The following TLK1 variants were observed in gnomAD, a reference collection of about 807,000 sequenced individuals.
TLK1 encodes tousled like kinase 1.
In TLK1, 24 loss-of-function variants were observed where a neutral mutation model predicts 105.3. The ratio of observed to expected loss-of-function variants is 0.23; its 90% confidence interval spans 0.17 to 0.32. The LOEUF is 0.32. TLK1 is among the 10% of genes least tolerant of loss of function. The probability of loss-of-function intolerance (pLI) is 1.00; values close to 1 mark genes in which losing one functional copy is unlikely to be tolerated. For missense variants in TLK1, 558 were observed against 910.5 expected (o/e 0.61, Z 4.98); for synonymous variants, 321 against 310.4 (o/e 1.03, Z -0.36).
intron 2 of TLK1, among the ~76,000 whole-genome samples, chr2:171,109,963 G>C (rs1017909109): frequency 2.0e-5 from 3 of 152,192 alleles, no homozygotes; most frequent in East Asian, 3.8e-4. Context: ...ATTAGATAAG[G>C]GTTGGGGGAA....
At chr2:171,086,289 A>G (rs1443197008) in intron 2 of TLK1, among the ~76,000 whole-genome samples, 1 of 152,242 alleles carries the variant, frequency 6.6e-6, no homozygotes, top group Non-Finnish European at 1.5e-5. Flanking sequence ...CCACTACCTG[A>G]ACCAAAAGTA....
intron 14 of TLK1, among the ~76,000 whole-genome samples, chr2:171,009,940 TA>T (rs1419876258): frequency 1.3e-5 from 2 of 152,126 alleles, no homozygotes; most frequent in Admixed American, 1.3e-4. Context: ...TTAGAGGAAC[TA>T]AAGATGAGCA....
intron 11 of TLK1, among the ~76,000 whole-genome samples, chr2:171,041,878 C>T (rs1055808254): frequency 8.6e-5 from 13 of 152,016 alleles, no homozygotes; most frequent in Non-Finnish European, 4.4e-5. Context: ...TTTCATTAAA[C>T]AATGAATCAA....
At chr2:171,120,194 A>G (rs1461310502) in intron 1 of TLK1, among the ~76,000 whole-genome samples, 1 of 147,760 alleles carries the variant, frequency 6.8e-6, no homozygotes, top group Non-Finnish European at 1.5e-5. Context: ...GGCTGCAGTG[A>G]ATCGAGGTCG....
chr2:171,147,150 C>T (rs1371494453), intron 1 of TLK1, among the ~76,000 whole-genome samples: 1 of 152,174 alleles, frequency 6.6e-6, no homozygotes, highest in Non-Finnish European at 1.5e-5. Flanking sequence ...TGTGACCAAG[C>T]TCCTAGAAAG....
At position 171,067,494 on chromosome 2, in the gene TLK1, G is replaced by A. The variant is rs114242491; in HGVS notation, c.331-6338C>T. Among the ~76,000 whole-genome samples the A allele has an allele frequency of 1.0e-2, 1,520 of 152,138 alleles. 19 individuals carry two copies. Among genetic ancestry groups the A allele is most frequent in the African/African-American group, 0.034 (1,391 of 41,502 alleles). On this transcript the variant is annotated intron_variant, in intron 3 of 20. Transcript: ENST00000431350. ...AGATTTTTAAAGATAATGCCAAATT[G>A]CACATTCAAAGCCAGTATCAATTGA... is the stretch of plus-strand genomic sequence containing the variant.
At chr2:171,169,449 A>G (rs924655826) in intron 1 of TLK1, among the ~76,000 whole-genome samples, 5 of 152,198 alleles carry the variant, frequency 3.3e-5, no homozygotes, top group Non-Finnish European at 5.9e-5. Flanking sequence ...AAAAAGAATG[A>G]AAGGAAATAT....
intron 2 of TLK1, among the ~76,000 whole-genome samples, chr2:171,103,998 G>A (rs985060519): frequency 6.6e-6 from 1 of 152,188 alleles, no homozygotes; most frequent in Non-Finnish European, 1.5e-5. Flanking sequence ...AATCAAGAAA[G>A]CAATCTCTGG....
chr2:171,142,690 T>C (rs1455833114), intron 1 of TLK1, among the ~76,000 whole-genome samples: 1 of 152,194 alleles, frequency 6.6e-6, no homozygotes, highest in African/African-American at 2.4e-5. Flanking sequence ...TAACAAACCT[T>C]TGTCTGAATA....
intron 18 of TLK1, among the ~76,000 whole-genome samples, chr2:170,999,336 C>T (rs1341120463): frequency 6.6e-6 from 1 of 152,106 alleles, no homozygotes; most frequent in Non-Finnish European, 1.5e-5. Flanking sequence ...GTAAAACCAG[C>T]AAAGATAACC....
intron 1 of TLK1, among the ~76,000 whole-genome samples, chr2:171,127,536 G>A (rs1413032377): frequency 1.3e-5 from 2 of 151,992 alleles, no homozygotes; most frequent in East Asian, 3.8e-4. Flanking sequence ...GAACATGTTA[G>A]TTAAATGAGC....
At chr2:171,072,147 T>C (rs559942471) in intron 3 of TLK1, among the ~76,000 whole-genome samples, 1 of 152,340 alleles carries the variant, frequency 6.6e-6, no homozygotes, top group East Asian at 1.9e-4. Context: ...CCATTGGTAT[T>C]TTGACAGGGA....
At chr2:171,161,130 C>T (rs1345805463), upstream of TLK1, among the ~76,000 whole-genome samples, 1 of 144,946 alleles carries the variant, frequency 6.9e-6, no homozygotes, top group Non-Finnish European at 1.5e-5. Context: ...CCGCGCGGCG[C>T]GGGAGCCCGG....
chr2:171,208,702 G>A (rs1448954337), intron 1 of TLK1, among the ~76,000 whole-genome samples: 1 of 152,210 alleles, frequency 6.6e-6, no homozygotes, highest in Non-Finnish European at 1.5e-5. Context: ...ATTCAAAAAT[G>A]AGGCATTTGA....
chr2:171,090,681 A>G (rs961204961), intron 2 of TLK1, among the ~76,000 whole-genome samples: 1 of 152,194 alleles, frequency 6.6e-6, no homozygotes, highest in Non-Finnish European at 1.5e-5. Flanking sequence ...AAAGCTGGTA[A>G]TATTTCCCCA....
Position 171,058,263 on chromosome 2 carries a change from C to T in TLK1, c.407-66G>A, listed in dbSNP as rs561870889. On this transcript the variant is annotated intron_variant, in intron 4 of 20. Coordinates refer to ENST00000431350, the MANE Select transcript of TLK1 (RefSeq NM_012290.5). Reference sequence around the variant, plus strand: ...GGGCATCAAAAAAATATTAAGAGTCCGCAGGACATCAGCTATCAATTTCAC... The same window carrying T: ...GGGCATCAAAAAAATATTAAGAGTCTGCAGGACATCAGCTATCAATTTCAC... 4.2e-5 allele frequency: 57 copies of T among 1,366,176 alleles called. No individual in the cohort carries two copies. The Middle Eastern group carries it at 2.3e-3, about 56-fold the overall frequency. The allele number at this position is 1,366,176 out of a possible 1,614,324, so 84.6% of individuals were successfully genotyped here. A position where few individuals can be genotyped will look rare whatever the true frequency, so the allele number is the denominator to read the frequency against.
At chr2:171,043,787 C>T (rs915694174) in intron 11 of TLK1, among the ~76,000 whole-genome samples, 1 of 151,940 alleles carries the variant, frequency 6.6e-6, no homozygotes, top group African/African-American at 2.4e-5. Context: ...ACTATGTTGG[C>T]CAGGCTGGTC....
chr2:171,022,380 T>C (rs1485825856), intron 12 of TLK1, among the ~76,000 whole-genome samples: 1 of 151,574 alleles, frequency 6.6e-6, no homozygotes, highest in East Asian at 2.0e-4. Flanking sequence ...TAAGCACAAA[T>C]TGTAAAGTTA....
chr2:171,041,416 T>C (rs1686668442), intron 11 of TLK1, among the ~76,000 whole-genome samples: 2 of 152,154 alleles, frequency 1.3e-5, no homozygotes, highest in South Asian at 4.1e-4. Flanking sequence ...ACCCACCACA[T>C]CTGGATTCCC....
Sources: allele counts gnomAD v4.1 joint callset (sites outside exome capture counted in the v4.1 genomes callset), GRCh38; gene constraint gnomAD v4.1.1; transcripts MANE v1.5; gene names NCBI Gene and HGNC (gene_info 2026-07-23, HGNC 2026-07-21).